Variants in DNAJB2 observed in about 807,000 individuals in gnomAD.
DNAJB2 encodes the protein DnaJ heat shock protein family (Hsp40) member B2.
A neutral mutation model predicts 33.3 loss-of-function variants in DNAJB2; 19 were observed. The observed-to-expected ratio is 0.57, with a 90% CI of 0.40 to 0.84. The LOEUF is 0.84. Among genes scored for constraint, DNAJB2 ranks in the 40% least tolerant of loss-of-function variants. The probability of loss-of-function intolerance (pLI) is 0.00; values close to 1 mark genes in which losing one functional copy is unlikely to be tolerated. For synonymous variants in DNAJB2, 172 were observed against 164.6 expected, an observed-to-expected ratio of 1.04 and a Z score of -0.34; for missense variants, 368 against 430.9, an observed-to-expected ratio of 0.85 and a Z score of 1.29.
chr2:219,284,958 GAGA>G lies in DNAJB2; in HGVS notation c.949_951del (p.Lys317del). 1 of 1,537,064 alleles carries G rather than the reference GAGA, an allele frequency of 6.5e-7. No homozygotes were observed. The highest frequency in any genetic ancestry group is 8.8e-7 in the Non-Finnish European group (1 of 1,137,754). ...AACCAAACGCAGTCCATCCCCAGAG[GAGA>G]AGGCCTCTCGCTGCCTCATCCTCTG... On this transcript the variant is annotated inframe_deletion, in exon 9 of 9. Transcript: ENST00000336576.
At chr2:219,283,577 C>G in intron 8 of DNAJB2, 88 bp downstream of exon 8, 2 of 1,385,214 alleles carry the variant, frequency 1.4e-6, no homozygotes, top group South Asian at 1.4e-5. Flanking sequence ...GCTCTCTGAA[C>G]TCACTTAGGG....
Position 219,286,100 on chromosome 2 carries a change from AGTGTAGAGCCG to A in DNAJB2, c.*1115_*1125del, listed in dbSNP as rs1488075461. Reference sequence around the variant, plus strand: ...CCATTTCTCCCCCTCACCCATGCTGAGTGTAGAGCCGGGGCCTGGGTGGCGGGTGGGGGCCG... The same window carrying A: ...CCATTTCTCCCCCTCACCCATGCTGAGGGCCTGGGTGGCGGGTGGGGGCCG... On this transcript the variant is annotated 3_prime_UTR_variant, in exon 9 of 9. Transcript: ENST00000336576. 2 of 787,942 alleles carry A rather than the reference AGTGTAGAGCCG, an allele frequency of 2.5e-6. No individual in the cohort carries two copies. The highest frequency in any genetic ancestry group is 7.6e-5 in the Admixed American group (2 of 26,312). The allele number at this position is 787,942 out of a possible 1,614,324, so 48.8% of individuals were successfully genotyped here.
rs975999058 is a variant in DNAJB2 at position 219,286,468 on chromosome 2, C to T, written c.*1481C>T. 2.7e-5 allele frequency: 4 copies of T among 145,570 alleles called. No individual in the cohort carries two copies. Among genetic ancestry groups the T allele is most frequent in the East Asian group, 2.2e-4 (1 of 4,556 alleles). The allele number at this position is 145,570 out of a possible 1,614,324, so 9.0% of individuals were successfully genotyped here. ...AGGGTTAGAGTGGGCAGGGCAGAGC[C>T]GCGCAGCACCTGGGAGCGGTACCTT... On this transcript the variant is annotated 3_prime_UTR_variant, in exon 9 of 9. Transcript: ENST00000336576.
intron 8 of DNAJB2, among the ~76,000 whole-genome samples, chr2:219,284,107 T>TC: frequency 6.6e-6 from 1 of 152,220 alleles, no homozygotes; most frequent in Admixed American, 6.5e-5. Flanking sequence ...TTCTTTTTTT[T>TC]CTTTTTTTGA....
In DNAJB2 at chr2:219,285,732, C is replaced by CT. The variant is rs1951949601; in HGVS notation, c.*745_*746insT. 1.6e-6 allele frequency: 2 copies of CT among 1,263,436 alleles called. No homozygotes were observed. Among genetic ancestry groups the CT allele is most frequent in the Non-Finnish European group, 2.0e-6 (2 of 999,582 alleles). The allele number at this position is 1,263,436 out of a possible 1,614,324, so 78.3% of individuals were successfully genotyped here. ...TCAGAACTGGAGCCCACTCCTCCTCCCTCTCGTTGCCTCAGCCTGCCCTCA... is the reference window on the plus strand; with the variant it reads ...TCAGAACTGGAGCCCACTCCTCCTCCTCTCTCGTTGCCTCAGCCTGCCCTCA... On this transcript the variant is annotated 3_prime_UTR_variant, in exon 9 of 9. Coordinates refer to ENST00000336576, the MANE Select transcript of DNAJB2 (RefSeq NM_006736.6).
rs1479396956 is a variant in DNAJB2, at chr2:219,283,248, T to C, written c.548+13T>C. 2.5e-6 allele frequency: 4 copies of C among 1,614,016 alleles called. No homozygotes were observed. The highest frequency in any genetic ancestry group is 1.3e-5 in the African/African-American group (1 of 74,930). On this transcript the variant is annotated intron_variant, in intron 7 of 8. Transcript: ENST00000336576. ...TCACCACACGCAGGTGAGAGCTCCT[T>C]CTGGGGCCATAGAGGGGTGAGAGGT... is the stretch of plus-strand genomic sequence containing the variant.
In DNAJB2 at chr2:219,281,693, G is replaced by A. The variant is rs369512200; in HGVS notation, c.176-25G>A. 4.3e-6 allele frequency: 7 copies of A among 1,613,734 alleles called. No homozygotes were observed. In the Admixed American group the frequency reaches 6.7e-5, roughly 15 times the overall value. ...GGGGAGCCCATCCCAGAGGGAGGGT[G>A]AAATGATCTGGTCTCTTTTTGCAGA... On this transcript the variant is annotated intron_variant, in intron 3 of 8. Transcript: ENST00000336576.
In DNAJB2 at chr2:219,279,610, G is replaced by A. The variant is rs1951885291; in HGVS notation, c.-37+92G>A. ...TAGGGCTCCTGGGCCTGGGCGTCGAGATAGCTCTTGGCCCCGGCCTGCGGG... is the reference window on the plus strand; with the variant it reads ...TAGGGCTCCTGGGCCTGGGCGTCGAAATAGCTCTTGGCCCCGGCCTGCGGG... On this transcript the variant is annotated intron_variant, in intron 1 of 8. Transcript: ENST00000336576. This position sits in a 1 kb window ranked among gnomAD's most constrained non-coding sequence, Gnocchi z 4.9. 3.6e-6 allele frequency: 2 copies of A among 563,172 alleles called. No individual in the cohort carries two copies. The highest frequency in any genetic ancestry group is 3.2e-6 in the Non-Finnish European group (1 of 317,264). The allele number at this position is 563,172 out of a possible 1,614,324, so 34.9% of individuals were successfully genotyped here. A position where few individuals can be genotyped will look rare whatever the true frequency, so the allele number is the denominator to read the frequency against.
At chr2:219,282,230 C>A in intron 5 of DNAJB2, 169 bp downstream of exon 5, 1 of 951,518 alleles carries the variant, frequency 1.1e-6, no homozygotes, top group Non-Finnish European at 1.6e-6. Context: ...CTCACGTGTG[C>A]CAGAACCCCC....
At position 219,283,255 on chromosome 2, in the gene DNAJB2, C is replaced by T; in HGVS notation, c.548+20C>T. ...ACGCAGGTGAGAGCTCCTTCTGGGG[C>T]CATAGAGGGGTGAGAGGTCTGCTGG... On this transcript the variant is annotated intron_variant, in intron 7 of 8. Coordinates refer to ENST00000336576, the MANE Select transcript of DNAJB2 (RefSeq NM_006736.6). The T allele has an allele frequency of 6.2e-7, 1 of 1,613,804 alleles. No homozygotes were observed. Among genetic ancestry groups the T allele is most frequent in the East Asian group, 2.2e-5 (1 of 44,882 alleles).
chr2:219,279,873 G>A lies in DNAJB2; in HGVS notation c.40G>A (p.Ala14Thr). 2 of 1,613,954 alleles carry A rather than the reference G, an allele frequency of 1.2e-6. No individual in the cohort carries two copies. Among genetic ancestry groups the A allele is most frequent in the Non-Finnish European group, 8.5e-7 (1 of 1,179,970 alleles). Reference protein sequence around the residue: ...YYEILDVPRSASADDIKKAYR... With the variant: ...YYEILDVPRSTSADDIKKAYR... ...CGAGATCCTAGACGTGCCGCGAAGT[G>A]CGTCCGCTGATGACATCAAGAAGGC... The change falls in exon 2 of 9, where the codon GCG becomes ACG. Residue 14 changes from alanine (A) to threonine (T), a missense_variant. Coordinates refer to ENST00000336576, the MANE Select transcript of DNAJB2 (RefSeq NM_006736.6). This position sits in a 1 kb window ranked among gnomAD's most constrained non-coding sequence, Gnocchi z 4.9.
At chr2:219,280,481 C>A in intron 2 of DNAJB2, 97 bp from the exon 3 acceptor site, 2 of 893,868 alleles carry the variant, frequency 2.2e-6, no homozygotes, top group Non-Finnish European at 3.5e-6. Context: ...GGTGAAAGGA[C>A]AGTGATAGGC....
In DNAJB2 at chr2:219,285,570, G is replaced by A. The variant is rs550192470; in HGVS notation, c.*583G>A. On this transcript the variant is annotated 3_prime_UTR_variant, in exon 9 of 9. Coordinates refer to ENST00000336576, the MANE Select transcript of DNAJB2 (RefSeq NM_006736.6). The stretch of plus-strand genomic sequence containing the variant: ...GGCCGCATCGCTTGCTTTCACTGCC[G>A]TCTGGCTAGGACTCCCTTCTTCCTT... The A allele has an allele frequency of 2.7e-4, 276 of 1,035,570 alleles. 1 individual carries two copies. In the African/African-American group the frequency reaches 3.8e-3, roughly 14 times the overall value. 64.1% of individuals were successfully genotyped at this position (1,035,570 alleles called of 1,614,324 possible). A position where few individuals can be genotyped will look rare whatever the true frequency, so the allele number is the denominator to read the frequency against.
At chr2:219,280,266 C>T (rs1053165568) in intron 2 of DNAJB2, 1 of 518,740 alleles carries the variant, frequency 1.9e-6, no homozygotes, top group East Asian at 3.3e-5. Context: ...GAGGAGGGGC[C>T]GGTGTCCCTG....
intron 6 of DNAJB2, 52 bp downstream of exon 6, chr2:219,282,981 G>T: frequency 6.4e-7 from 1 of 1,565,960 alleles, no homozygotes; most frequent in South Asian, 1.2e-5. Flanking sequence ...GGAACCCCTG[G>T]CTTGAGCTTG....
Position 219,279,726 on chromosome 2 carries a change from C to G in DNAJB2, c.-36-72C>G. The G allele has an allele frequency of 7.7e-7, 1 of 1,305,780 alleles. No homozygotes were observed. The highest frequency in any genetic ancestry group is 1.3e-5 in the South Asian group (1 of 78,048). The allele number at this position is 1,305,780 out of a possible 1,614,324, so 80.9% of individuals were successfully genotyped here. A position where few individuals can be genotyped will look rare whatever the true frequency, so the allele number is the denominator to read the frequency against. ...CCAACTGGGAGCGCCTTCCGCCACC[C>G]GGGGAGGGGGACTGCTGCAGCCACA... On this transcript the variant is annotated intron_variant, in intron 1 of 8. Transcript: ENST00000336576. The surrounding 1 kb of genome is among the most constrained non-coding windows in gnomAD (Gnocchi z 4.9).
intron 2 of DNAJB2, 104 bp downstream of exon 2, chr2:219,280,002 TAGAA>T (rs1951889891): frequency 1.5e-6 from 2 of 1,311,566 alleles, no homozygotes; most frequent in African/African-American, 2.9e-5. Flanking sequence ...ACCAGGTCGT[TAGAA>T]AGCACTGGGG....
In DNAJB2 at chr2:219,279,789, C is replaced by T. The variant is rs746732281; in HGVS notation, c.-36-9C>T. 9 of 1,610,240 alleles carry T rather than the reference C, an allele frequency of 5.6e-6. No homozygotes were observed. In the South Asian group the frequency reaches 8.8e-5, roughly 16 times the overall value. On this transcript the variant is annotated splice_polypyrimidine_tract_variant and intron_variant, in intron 1 of 8. Transcript: ENST00000336576. This position sits in a 1 kb window ranked among gnomAD's most constrained non-coding sequence, Gnocchi z 4.9. ...TGGTTCTTTCCGCCTGACTCCTTCTCTTCTGCAGCCCCAAGGAGGCCCGCC... is the reference window on the plus strand; with the variant it reads ...TGGTTCTTTCCGCCTGACTCCTTCTTTTCTGCAGCCCCAAGGAGGCCCGCC...
chr2:219,281,342 C>G (rs6730173), intron 3 of DNAJB2: 15,983 of 227,732 alleles, frequency 0.07, 1,785 homozygotes, highest in African/African-American at 0.28. Flanking sequence ...TGTAGAAGGC[C>G]TCTCCGAGAA....
Sources: allele counts gnomAD v4.1 joint callset (sites outside exome capture counted in the v4.1 genomes callset), GRCh38; gene constraint gnomAD v4.1.1; non-coding constraint Gnocchi (gnomAD v3.1); transcripts MANE v1.5; gene names NCBI Gene and HGNC (gene_info 2026-07-23, HGNC 2026-07-21).